Variants in MYO18A observed in about 807,000 individuals in gnomAD.
The protein encoded by MYO18A is myosin XVIIIA, also known as unconventional myosin-XVIIIa.
MYO18A carries 78 observed loss-of-function variants against 235.8 expected under a neutral mutation model. That is an observed-to-expected ratio of 0.33 (90% confidence interval 0.28 to 0.40). MYO18A has a LOEUF of 0.40. MYO18A is among the 10% of genes least tolerant of loss of function. MYO18A has a pLI of 1.00. For synonymous variants in MYO18A, 977 were observed against 1,077.8 expected (o/e 0.91, Z 1.83); for missense variants, 2,215 against 2,699.3 (o/e 0.82, Z 3.98).
chr17:29,176,662 G>C (rs1567653074), intron 1 of MYO18A: 1 of 152,188 alleles, frequency 6.6e-6, no homozygotes, highest in Non-Finnish European at 1.5e-5. Context: ...CGGCCGGAGG[G>C]GTAGCCAGCA....
At chr17:29,094,529 T>A in intron 30 of MYO18A, 121 bp downstream of exon 30, 1 of 976,754 alleles carries the variant, frequency 1.0e-6, no homozygotes, top group South Asian at 1.5e-5. Flanking sequence ...TGTGAGTAGG[T>A]GAGTGAGTGA....
intron 18 of MYO18A, 60 bp downstream of exon 18, chr17:29,110,376 G>T: frequency 6.7e-7 from 1 of 1,500,980 alleles, no homozygotes. Context: ...CCCCAGGCCT[G>T]CCTACCAGGG....
At chr17:29,081,483 C>T (rs1450958298) in intron 41 of MYO18A, among the ~76,000 whole-genome samples, 1 of 151,976 alleles carries the variant, frequency 6.6e-6, no homozygotes, top group Non-Finnish European at 1.5e-5. Flanking sequence ...CTTGGGGGAG[C>T]TGGAGAAGGG....
chr17:29,076,530 G>T (rs1404687284), intron 41 of MYO18A: 8 of 152,120 alleles, frequency 5.3e-5, no homozygotes, highest in African/African-American at 1.9e-4. Flanking sequence ...TCTCATGAAT[G>T]AATTACCATT....
At chr17:29,100,295 G>A (rs534532377) in intron 21 of MYO18A, among the ~76,000 whole-genome samples, 98 of 152,332 alleles carry the variant, frequency 6.4e-4, no homozygotes, top group African/African-American at 2.3e-3. Context: ...GAGGAAAAGC[G>A]GGGAGAATGG....
chr17:29,179,515 C>G (rs1291203159), intron 1 of MYO18A, among the ~76,000 whole-genome samples: 1 of 152,234 alleles, frequency 6.6e-6, no homozygotes, highest in East Asian at 1.9e-4. Flanking sequence ...CCTCCCCTTC[C>G]CATTGGCGAA....
chr17:29,085,762 G>A, intron 39 of MYO18A, 114 bp from the exon 40 acceptor site: 1 of 1,071,556 alleles, frequency 9.3e-7, no homozygotes, highest in Non-Finnish European at 1.4e-6. Flanking sequence ...GCAAGAGCCA[G>A]CTCTGGCTGG....
chr17:29,073,996 A>T lies in MYO18A; in HGVS notation c.*774T>A. 6.2e-7 allele frequency: 1 copy of T among 1,613,408 alleles called. No homozygotes were observed. The highest frequency in any genetic ancestry group is 8.5e-7 in the Non-Finnish European group (1 of 1,179,826). On this transcript the variant is annotated 3_prime_UTR_variant, in exon 42 of 42. Transcript: ENST00000527372. ...ATAGGTCATTGCACATAACACGCTG[A>T]GACAAAGAGGGTGGGGTGGGGGCTG...
chr17:29,124,635 G>T lies in MYO18A; in HGVS notation c.1000-2382C>A, dbSNP rs547470353. 1.5e-4 allele frequency: 195 copies of T among 1,278,366 alleles called. 1 individual carries two copies. The highest frequency in any genetic ancestry group is 1.4e-3 in the South Asian group (114 of 79,572). 79.2% of individuals were successfully genotyped at this position (1,278,366 alleles called of 1,614,324 possible). The stretch of plus-strand genomic sequence containing the variant: ...TGGAGGGAGCGGAGGGCTCCTGAGT[G>T]GGGGGAGAGCACCCTACCTGGCTGT... On this transcript the variant is annotated intron_variant, in intron 2 of 41. Coordinates refer to ENST00000527372, the MANE Select transcript of MYO18A (RefSeq NM_078471.4).
chr17:29,154,130 G>GCGCA (rs1250140218), intron 2 of MYO18A, among the ~76,000 whole-genome samples: 8 of 151,396 alleles, frequency 5.3e-5, no homozygotes, highest in African/African-American at 1.7e-4. Context: ...GTGCGCGCGC[G>GCGCA]TGCGTGTGTA....
chr17:29,152,626 G>T (rs1197367698), intron 2 of MYO18A, among the ~76,000 whole-genome samples: 1 of 152,200 alleles, frequency 6.6e-6, no homozygotes. Flanking sequence ...CCATTAACAG[G>T]AACAGCACCT....
intron 2 of MYO18A, among the ~76,000 whole-genome samples, chr17:29,165,224 C>A (rs907719653): frequency 6.6e-6 from 1 of 152,160 alleles, no homozygotes; most frequent in Non-Finnish European, 1.5e-5. Flanking sequence ...TGTTCCATGA[C>A]GGCCCTAATT....
At chr17:29,130,474 C>CCACA (rs71135871) in intron 2 of MYO18A, among the ~76,000 whole-genome samples, 2,726 of 141,962 alleles carry the variant, frequency 0.019, 37 homozygotes, top group Admixed American at 0.034. Context: ...GAGGCCTCTC[C>CCACA]CACACACACA....
rs2065891336 is a variant in MYO18A at position 29,072,197 on chromosome 17, G to A, written c.*2573C>T. 7.5e-6 allele frequency: 1 copy of A among 133,316 alleles called. No homozygotes were observed. The highest frequency in any genetic ancestry group is 1.5e-5 in the Non-Finnish European group (1 of 64,990). The allele number at this position is 133,316 out of a possible 1,614,324, so 8.3% of individuals were successfully genotyped here. A position where few individuals can be genotyped will look rare whatever the true frequency, so the allele number is the denominator to read the frequency against. The stretch of plus-strand genomic sequence containing the variant: ...GAGTGACAGAACTGAACATAAGCTA[G>A]CAGCCTTTTTTTTTTTTTTTTTTTT... On this transcript the variant is annotated 3_prime_UTR_variant, in exon 42 of 42. Coordinates refer to ENST00000527372, the MANE Select transcript of MYO18A (RefSeq NM_078471.4).
intron 2 of MYO18A, among the ~76,000 whole-genome samples, chr17:29,159,589 G>GC (rs2152964188): frequency 6.6e-6 from 1 of 152,328 alleles, no homozygotes; most frequent in African/African-American, 2.4e-5. Context: ...AGAACACTGA[G>GC]CCAGGCAGCA....
At chr17:29,131,456 T>C (rs2067472459) in intron 2 of MYO18A, 1 of 985,498 alleles carries the variant, frequency 1.0e-6, no homozygotes, top group Non-Finnish European at 1.2e-6. Context: ...AGGGAGCAGA[T>C]GAAGAAGTCA....
chr17:29,098,240 G>C lies in MYO18A; in HGVS notation c.3871-16C>G. 6.2e-7 allele frequency: 1 copy of C among 1,613,828 alleles called. No individual in the cohort carries two copies. Among genetic ancestry groups the C allele is most frequent in the Admixed American group, 1.7e-5 (1 of 60,016 alleles). On this transcript the variant is annotated splice_polypyrimidine_tract_variant and intron_variant, in intron 24 of 41. Coordinates refer to ENST00000527372, the MANE Select transcript of MYO18A (RefSeq NM_078471.4). Reference sequence around the variant, plus strand: ...GCTCTGAGATCTGGGGTTGGGGGTAGGGAGTCACCACCAGTTGAAGTGCCT... The same window carrying C: ...GCTCTGAGATCTGGGGTTGGGGGTACGGAGTCACCACCAGTTGAAGTGCCT...
At position 29,087,043 on chromosome 17, in the gene MYO18A, C is replaced by T. The variant is rs1361448605; in HGVS notation, c.5605G>A (p.Glu1869Lys). 3 of 1,614,020 alleles carry T rather than the reference C, an allele frequency of 1.9e-6. No homozygotes were observed. The highest frequency in any genetic ancestry group is 1.7e-6 in the Non-Finnish European group (2 of 1,179,892). Residue 1869 changes from glutamate (E) to lysine (K), a missense_variant, in exon 38 of 42, where the codon GAG becomes AAG. Glu to Lys is a moderately conservative substitution (Grantham distance 56). Transcript: ENST00000527372. The part of the protein sequence containing the change: ...RDQRIAAENR[E>K]KEQNKRLQRQ... ...TGTAGCCGCTTGTTCTGTTCCTTCT[C>T]CCGGTTCTCGGCTGCAATGCGCTGA...
intron 2 of MYO18A, chr17:29,127,710 G>C (rs543157150): frequency 3.3e-6 from 1 of 300,726 alleles, no homozygotes; most frequent in African/African-American, 2.3e-5. Flanking sequence ...AGCCCCTGCC[G>C]GCCATCAGCA....
Sources: allele counts gnomAD v4.1 joint callset (sites outside exome capture counted in the v4.1 genomes callset), GRCh38; gene constraint gnomAD v4.1.1; transcripts MANE v1.5; gene names NCBI Gene and HGNC (gene_info 2026-07-23, HGNC 2026-07-21).